The following CCSER1 variants were observed in gnomAD, a reference collection of about 807,000 sequenced individuals.
The protein encoded by CCSER1 is coiled-coil serine rich protein 1.
CCSER1 carries 41 observed loss-of-function variants against 82.0 expected under a neutral mutation model. The observed-to-expected ratio is 0.50, with a 90% confidence interval of 0.39 to 0.65. CCSER1 has a LOEUF of 0.65. Ranked by LOEUF, CCSER1 falls within the 30% of genes least tolerant of loss-of-function variation. The pLI is 0.00. For missense variants in CCSER1, 1,119 were observed against 1,064.2 expected (o/e 1.05, Z -0.72); for synonymous variants, 414 against 383.9 (o/e 1.08, Z -0.92).
chr4:91,560,733 G>A (rs1762617298), intron 10 of CCSER1, among the ~76,000 whole-genome samples: 1 of 151,292 alleles, frequency 6.6e-6, no homozygotes, highest in African/African-American at 2.4e-5. Context: ...CTCATATCTA[G>A]CCTACTTTTC....
chr4:90,434,825 G>A (rs893285656), intron 4 of CCSER1, among the ~76,000 whole-genome samples: 8 of 152,246 alleles, frequency 5.3e-5, no homozygotes, highest in African/African-American at 1.7e-4. Context: ...GATCAAACTT[G>A]TAGTTTGAAG....
chr4:90,859,301 G>A (rs551560744), intron 8 of CCSER1, among the ~76,000 whole-genome samples: 2 of 151,838 alleles, frequency 1.3e-5, no homozygotes, highest in East Asian at 3.9e-4. Context: ...TCACATTGTG[G>A]AAAAAATGTT....
intron 8 of CCSER1, among the ~76,000 whole-genome samples, chr4:90,831,134 G>A (rs958426366): frequency 6.6e-6 from 1 of 152,030 alleles, no homozygotes; most frequent in African/African-American, 2.4e-5. Flanking sequence ...TAAGATATGC[G>A]TCAGTGTGGT....
intron 10 of CCSER1, among the ~76,000 whole-genome samples, chr4:91,524,409 G>A (rs931487416): frequency 1.3e-5 from 2 of 152,136 alleles, no homozygotes; most frequent in African/African-American, 2.4e-5. Flanking sequence ...CAGTTCAGAA[G>A]GATAAAGACA....
intron 5 of CCSER1, among the ~76,000 whole-genome samples, chr4:90,494,001 T>C (rs1768540738): frequency 6.6e-6 from 1 of 152,160 alleles, no homozygotes; most frequent in Non-Finnish European, 1.5e-5. Flanking sequence ...CCCATCAGTG[T>C]GCTGTATTCA....
At chr4:91,434,301 C>T (rs1398670952) in intron 10 of CCSER1, among the ~76,000 whole-genome samples, 1 of 151,002 alleles carries the variant, frequency 6.6e-6, no homozygotes, top group African/African-American at 2.4e-5. Flanking sequence ...AGGTTATGTT[C>T]GTAATTAGAA....
At chr4:90,889,435 C>G (rs964126438) in intron 8 of CCSER1, among the ~76,000 whole-genome samples, 5 of 152,150 alleles carry the variant, frequency 3.3e-5, no homozygotes, top group African/African-American at 1.2e-4. Flanking sequence ...TGTTTCTTCA[C>G]AGCAGTTAGT....
At chr4:91,085,688 A>G (rs1723311490) in intron 9 of CCSER1, among the ~76,000 whole-genome samples, 1 of 152,112 alleles carries the variant, frequency 6.6e-6, no homozygotes, top group African/African-American at 2.4e-5. Context: ...GTAGGCAATC[A>G]TTGCTTAAAA....
intron 4 of CCSER1, among the ~76,000 whole-genome samples, chr4:90,405,585 T>C (rs1560464433): frequency 6.6e-6 from 1 of 152,228 alleles, no homozygotes; most frequent in East Asian, 1.9e-4. Flanking sequence ...TCAAGATGAA[T>C]GAAATAATTT....
intron 10 of CCSER1, among the ~76,000 whole-genome samples, chr4:91,341,537 T>C (rs1236320961): frequency 6.6e-6 from 1 of 152,150 alleles, no homozygotes; most frequent in Non-Finnish European, 1.5e-5. Context: ...TGATAGTTTT[T>C]TGGTTGTTTG....
intron 6 of CCSER1, among the ~76,000 whole-genome samples, chr4:90,704,878 A>ATCTTTTT (rs1185128975): frequency 1.3e-5 from 2 of 152,140 alleles, no homozygotes; most frequent in East Asian, 3.9e-4. Flanking sequence ...CATTCATCTA[A>ATCTTTTT]TCTTTTTTCA....
At chr4:90,881,336 G>T (rs560868555) in intron 8 of CCSER1, among the ~76,000 whole-genome samples, 1 of 152,094 alleles carries the variant, frequency 6.6e-6, no homozygotes, top group Non-Finnish European at 1.5e-5. Flanking sequence ...AGAGAGGGGG[G>T]AAAGAGATTT....
intron 10 of CCSER1, among the ~76,000 whole-genome samples, chr4:91,289,729 A>C (rs1743603381): frequency 1.3e-5 from 2 of 152,174 alleles, no homozygotes; most frequent in South Asian, 4.1e-4. Context: ...GCTGTGGAAA[A>C]ATATCAAGTC....
intron 5 of CCSER1, among the ~76,000 whole-genome samples, chr4:90,538,929 T>A (rs1457059518): frequency 6.6e-6 from 1 of 152,182 alleles, no homozygotes; most frequent in East Asian, 1.9e-4. Flanking sequence ...TCTGATATTT[T>A]TGTAAATATT....
intron 8 of CCSER1, among the ~76,000 whole-genome samples, chr4:90,852,421 A>C (rs547638817): frequency 6.6e-6 from 1 of 152,188 alleles, no homozygotes; most frequent in African/African-American, 2.4e-5. Flanking sequence ...GCAGATTCCT[A>C]GGGGAAGCTT....
At chr4:90,988,334 C>CAAAAAAAA (rs60408059) in intron 9 of CCSER1, among the ~76,000 whole-genome samples, 5 of 75,384 alleles carry the variant, frequency 6.6e-5, no homozygotes, top group African/African-American at 2.3e-4. Context: ...TATCTTGTCT[C>CAAAAAAAA]AAAAAAAAAA....
intron 6 of CCSER1, among the ~76,000 whole-genome samples, chr4:90,628,461 G>T (rs2148916063): frequency 6.6e-6 from 1 of 152,216 alleles, no homozygotes; most frequent in East Asian, 1.9e-4. Context: ...ACTTAAAAAA[G>T]AATAAATTGA....
chr4:90,640,120 TG>T (rs1338416850), intron 6 of CCSER1, among the ~76,000 whole-genome samples: 1 of 152,144 alleles, frequency 6.6e-6, no homozygotes, highest in African/African-American at 2.4e-5. Context: ...GCAATCGATT[TG>T]GCAATCCTTT....
At chr4:90,908,035 A>G (rs1398705044) in intron 8 of CCSER1, among the ~76,000 whole-genome samples, 1 of 152,122 alleles carries the variant, frequency 6.6e-6, no homozygotes, top group Non-Finnish European at 1.5e-5. Flanking sequence ...TGTGCCTAAA[A>G]GTATATAAGG....
Sources: allele counts gnomAD v4.1 joint callset (sites outside exome capture counted in the v4.1 genomes callset), GRCh38; gene constraint gnomAD v4.1.1; transcripts MANE v1.5; gene names NCBI Gene and HGNC (gene_info 2026-07-23, HGNC 2026-07-21).